Variants in C19orf53 observed in about 807,000 individuals in gnomAD.
The protein encoded by C19orf53 is chromosome 19 open reading frame 53.
C19orf53 carries 9 observed loss-of-function variants against 6.5 expected under a neutral mutation model. The observed-to-expected ratio is 1.38, with a 90% CI of 0.83 to 2.40. The LOEUF (loss-of-function observed/expected upper bound fraction) is 2.40, where lower values mean the gene tolerates loss of function less well. Ranked by LOEUF, C19orf53 falls within the 30% of genes most tolerant of loss-of-function variation. The pLI, the probability that C19orf53 is intolerant of heterozygous loss-of-function variation, is 0.00. For synonymous variants in C19orf53, 68 were observed against 52.5 expected (o/e 1.29, Z -1.27); for missense variants, 166 against 129.7 (o/e 1.28, Z -1.36).
rs570203303 is a variant in C19orf53, at chr19:13,774,490, C to A, written c.13C>A (p.Gln5Lys). Reference sequence around the variant, plus strand: ...TGCGTGCCGGACCATGGCGCAGGGGCAGCGCAAGTTTCAGGCGCACAAACC... The same window carrying A: ...TGCGTGCCGGACCATGGCGCAGGGGAAGCGCAAGTTTCAGGCGCACAAACC... MAQG[Q>K]RKFQAHKPAK... Residue 5 changes from glutamine to lysine, a missense_variant, in exon 1 of 3, where the codon CAG becomes AAG. Physicochemically the swap from Gln to Lys is moderately conservative, Grantham distance 53. Coordinates refer to ENST00000588234, the MANE Select transcript of C19orf53 (RefSeq NM_014047.3). 3 of 1,608,490 alleles carry A rather than the reference C, an allele frequency of 1.9e-6. No homozygotes were observed. The highest frequency in any genetic ancestry group is 4.5e-5 in the East Asian group (2 of 44,510).
rs770781905 is a variant in C19orf53 at position 13,774,518 on chromosome 19, C to T, written c.41C>T (p.Ala14Val). 2 of 1,613,624 alleles carry T rather than the reference C, an allele frequency of 1.2e-6. No homozygotes were observed. Among genetic ancestry groups the T allele is most frequent in the Non-Finnish European group, 1.7e-6 (2 of 1,179,768 alleles). The change falls in exon 1 of 3, where the codon GCA becomes GTA. Residue 14 changes from alanine (A) to valine (V), a missense_variant. Coordinates refer to ENST00000588234, the MANE Select transcript of C19orf53 (RefSeq NM_014047.3). ...CGCAAGTTTCAGGCGCACAAACCCG[C>T]AAAGAGTAAGACGGCAGCGGCAGCC... Reference protein sequence around the residue: ...GQRKFQAHKPAKSKTAAAASE... With the variant: ...GQRKFQAHKPVKSKTAAAASE...
At chr19:13,777,033 C>A (rs1246791627) in intron 2 of C19orf53, among the ~76,000 whole-genome samples, 1 of 151,894 alleles carries the variant, frequency 6.6e-6, no homozygotes, top group African/African-American at 2.4e-5. Flanking sequence ...CTCACTGCAA[C>A]CTCTGCCTCC....
chr19:13,775,097 A>G (rs1251184212), intron 2 of C19orf53, among the ~76,000 whole-genome samples: 1 of 152,186 alleles, frequency 6.6e-6, no homozygotes, highest in Non-Finnish European at 1.5e-5. Flanking sequence ...TTACCACTTC[A>G]AAAGGGCCTC....
intron 2 of C19orf53, 138 bp from the exon 3 acceptor site, chr19:13,777,914 C>G (rs1414715999): frequency 9.0e-7 from 1 of 1,109,106 alleles, no homozygotes; most frequent in Non-Finnish European, 1.3e-6. Flanking sequence ...CCCCAGCCAC[C>G]AGACCCACAG....
In C19orf53 at chr19:13,778,511, C is replaced by T. The variant is rs1974392679; in HGVS notation, c.*313C>T. ...GAGCAGGCCAGGTGAGCCCACAAGT[C>T]TCCATGAGTGACGTGGCCTGGCGTG... On this transcript the variant is annotated 3_prime_UTR_variant, in exon 3 of 3. Coordinates refer to ENST00000588234, the MANE Select transcript of C19orf53 (RefSeq NM_014047.3). The T allele has an allele frequency of 4.5e-6, 1 of 220,516 alleles. No individual in the cohort carries two copies. The allele number at this position is 220,516 out of a possible 1,614,324, so 13.7% of individuals were successfully genotyped here.
chr19:13,777,337 C>T (rs1974381521), intron 2 of C19orf53, among the ~76,000 whole-genome samples: 1 of 152,084 alleles, frequency 6.6e-6, no homozygotes, highest in Non-Finnish European at 1.5e-5. Context: ...CCTGGACCTC[C>T]TGGGCTCGAC....
Position 13,778,087 on chromosome 19 carries a change from T to G in C19orf53, c.189T>G (p.His63Gln), listed in dbSNP as rs150969669. 1.1e-4 allele frequency: 170 copies of G among 1,613,026 alleles called. No homozygotes were observed. In the African/African-American group the frequency reaches 1.7e-3, roughly 16 times the overall value. The part of the protein sequence containing the change: ...LEVGIRKKIE[H>Q]DVVMKASSSL... Reference sequence around the variant, plus strand: ...TCGGAATCCGGAAGAAGATCGAACATGACGTGGTGATGAAAGCCAGCAGCA... The same window carrying G: ...TCGGAATCCGGAAGAAGATCGAACAGGACGTGGTGATGAAAGCCAGCAGCA... Residue 63 changes from histidine to glutamine, a missense_variant, in exon 3 of 3, where the codon CAT becomes CAG. Coordinates refer to ENST00000588234, the MANE Select transcript of C19orf53 (RefSeq NM_014047.3).
chr19:13,776,930 G>A (rs991357231), intron 2 of C19orf53, among the ~76,000 whole-genome samples: 1 of 124,528 alleles, frequency 8.0e-6, no homozygotes, highest in Middle Eastern at 4.3e-3. Flanking sequence ...GCTGGTGATC[G>A]TGGTCATTGG....
At chr19:13,774,777 G>C in intron 2 of C19orf53, 70 bp downstream of exon 2, 8 of 1,536,460 alleles carry the variant, frequency 5.2e-6, no homozygotes, top group South Asian at 1.2e-5. Context: ...AGGACGGCGA[G>C]GGGGGATGGG....
chr19:13,774,509 A>G lies in C19orf53; in HGVS notation c.32A>G (p.His11Arg). The G allele has an allele frequency of 6.2e-7, 1 of 1,613,194 alleles. No individual in the cohort carries two copies. The highest frequency in any genetic ancestry group is 8.5e-7 in the Non-Finnish European group (1 of 1,179,622). The change falls in exon 1 of 3, where the codon CAC becomes CGC. Residue 11 changes from histidine to arginine, a missense_variant. By Grantham distance (29) the His-to-Arg change is conservative (BLOSUM62 0). Transcript: ENST00000588234. ...CAGGGGCAGCGCAAGTTTCAGGCGC[A>G]CAAACCCGCAAAGAGTAAGACGGCA... The part of the protein sequence containing the change: MAQGQRKFQA[H>R]KPAKSKTAAA...
intron 2 of C19orf53, chr19:13,775,040 T>G (rs1296925973): frequency 2.2e-6 from 1 of 448,462 alleles, no homozygotes. Flanking sequence ...CTCCCAGCTC[T>G]GTGGGCCTCC....
At chr19:13,777,393 A>T (rs1485657049) in intron 2 of C19orf53, among the ~76,000 whole-genome samples, 2 of 151,806 alleles carry the variant, frequency 1.3e-5, no homozygotes, top group Non-Finnish European at 2.9e-5. Flanking sequence ...ACACCGTGCT[A>T]ATTCTTTCTT....
intron 2 of C19orf53, among the ~76,000 whole-genome samples, chr19:13,777,173 A>G (rs1312496928): frequency 6.6e-6 from 1 of 151,674 alleles, no homozygotes; most frequent in East Asian, 1.9e-4. Context: ...CCTGGTCTAG[A>G]GCTCCTGACC....
In C19orf53 at chr19:13,778,336, C is replaced by CA; in HGVS notation, c.*138_*139insA. 4.6e-6 allele frequency: 5 copies of CA among 1,093,920 alleles called. No homozygotes were observed. The highest frequency in any genetic ancestry group is 5.0e-6 in the Non-Finnish European group (4 of 805,616). The allele number at this position is 1,093,920 out of a possible 1,614,324, so 67.8% of individuals were successfully genotyped here. On this transcript the variant is annotated 3_prime_UTR_variant, in exon 3 of 3. Coordinates refer to ENST00000588234, the MANE Select transcript of C19orf53 (RefSeq NM_014047.3). ...GCTTCACCTAGAACTTCAGTGGGGG[C>CA]CAAGGGTGCTGAGAACCCAGCAATG...
At chr19:13,777,443 C>G (rs1250293525) in intron 2 of C19orf53, among the ~76,000 whole-genome samples, 3 of 152,168 alleles carry the variant, frequency 2.0e-5, no homozygotes, top group Non-Finnish European at 4.4e-5. Context: ...CCAGGCTGGT[C>G]TCGAGTTCCT....
rs776645645 is a variant in C19orf53 at position 13,774,476 on chromosome 19, C to T, written c.-2C>T. On this transcript the variant is annotated 5_prime_UTR_variant, in exon 1 of 3. Coordinates refer to ENST00000588234, the MANE Select transcript of C19orf53 (RefSeq NM_014047.3). ...CCCGCCTCTTCCGCTGCGTGCCGGACCATGGCGCAGGGGCAGCGCAAGTTT... is the reference window on the plus strand; with the variant it reads ...CCCGCCTCTTCCGCTGCGTGCCGGATCATGGCGCAGGGGCAGCGCAAGTTT... The T allele has an allele frequency of 3.7e-6, 6 of 1,601,354 alleles. No homozygotes were observed. The highest frequency in any genetic ancestry group is 1.7e-4 in the Middle Eastern group (1 of 6,040).
At chr19:13,776,223 C>G (rs942452147) in intron 2 of C19orf53, among the ~76,000 whole-genome samples, 6 of 150,702 alleles carry the variant, frequency 4.0e-5, no homozygotes, top group African/African-American at 9.8e-5. Context: ...CATGATCTAC[C>G]CGCCTCGGCC....
chr19:13,774,795 C>CG, intron 2 of C19orf53, 88 bp downstream of exon 2: 7 of 1,492,516 alleles, frequency 4.7e-6, no homozygotes, highest in Non-Finnish European at 4.5e-6. Context: ...GGGTGGAGCC[C>CG]GGGGATCAGT....
chr19:13,777,929 G>A, intron 2 of C19orf53, 123 bp from the exon 3 acceptor site: 1 of 1,248,208 alleles, frequency 8.0e-7, no homozygotes, highest in Non-Finnish European at 1.1e-6. Flanking sequence ...CCACAGTCAG[G>A]TGCGGTTCGA....
Sources: gnomAD v4.1 joint callset for allele counts (sites outside exome capture counted in the v4.1 genomes callset) on GRCh38, gnomAD v4.1.1 for gene constraint, MANE v1.5 for transcripts, NCBI Gene and HGNC (gene_info 2026-07-23, HGNC 2026-07-21) for gene names.